GPR55: variants seen among roughly 807,000 people sequenced by gnomAD.
GPR55 encodes the protein G-protein coupled receptor 55.
Under a neutral mutation model 7.9 loss-of-function variants are expected in GPR55, and 6 were observed. The observed-to-expected ratio is 0.76, with a 90% confidence interval of 0.41 to 1.49. GPR55 has a LOEUF of 1.49. GPR55 is among the 40% of genes most tolerant of loss of function. The pLI is 0.01. For synonymous variants in GPR55, 183 were observed against 166.8 expected (o/e 1.10, Z -0.75); for missense variants, 376 against 406.0 (o/e 0.93, Z 0.63).
At chr2:230,951,911 A>G (rs1574636721) in intron 1 of GPR55, among the ~76,000 whole-genome samples, 1 of 147,798 alleles carries the variant, frequency 6.8e-6, no homozygotes. Context: ...GGTACATACC[A>G]CCAGGCCCGG....
chr2:230,957,306 A>G lies in GPR55; in HGVS notation c.-135+3469T>C, dbSNP rs549105160. 2.0e-4 allele frequency among the ~76,000 whole-genome samples: 31 copies of G among 152,310 alleles called. 1 individual carries two copies. In the South Asian group the frequency reaches 6.4e-3, roughly 32 times the overall value. On this transcript the variant is annotated intron_variant, in intron 1 of 1. Coordinates refer to the GPR55 transcript ENST00000392039. Reference sequence around the variant, plus strand: ...GCATCACTACGCTTGTGCTTTGGGGACATTATTTAGTAAAATAAGGGTTCC... The same window carrying G: ...GCATCACTACGCTTGTGCTTTGGGGGCATTATTTAGTAAAATAAGGGTTCC...
At chr2:230,940,298 G>T (rs1691205614) in intron 1 of GPR55, among the ~76,000 whole-genome samples, 1 of 152,104 alleles carries the variant, frequency 6.6e-6, no homozygotes, top group South Asian at 2.1e-4. Flanking sequence ...TTAAAATTCA[G>T]AGCTCAAGGC....
chr2:230,954,816 G>A (rs190615678), intron 1 of GPR55, among the ~76,000 whole-genome samples: 14 of 152,188 alleles, frequency 9.2e-5, no homozygotes, highest in African/African-American at 3.4e-4. Context: ...AATTTAGTTT[G>A]TGTTTGGAAT....
chr2:230,938,682 G>C (rs1303866024), intron 1 of GPR55, among the ~76,000 whole-genome samples: 1 of 152,248 alleles, frequency 6.6e-6, no homozygotes, highest in Non-Finnish European at 1.5e-5. Flanking sequence ...GCAGCGGGCA[G>C]GGCAAGGCTG....
intron 1 of GPR55, among the ~76,000 whole-genome samples, chr2:230,911,527 G>GAC (rs1690592700): frequency 6.6e-6 from 1 of 152,168 alleles, no homozygotes. Context: ...CATTCCCCTG[G>GAC]ACACAGTAGC....
intron 1 of GPR55, among the ~76,000 whole-genome samples, chr2:230,954,332 T>A (rs1265046699): frequency 6.6e-6 from 1 of 152,262 alleles, no homozygotes; most frequent in Non-Finnish European, 1.5e-5. Context: ...CTGGGCTGGC[T>A]ATCATTCTGT....
chr2:230,927,675 G>A (rs7580082), upstream of GPR55, among the ~76,000 whole-genome samples: 2,988 of 152,284 alleles, frequency 0.02, 102 homozygotes, highest in African/African-American at 0.067. Flanking sequence ...ACACACCTTC[G>A]ACTTCACCAG....
rs764171276 is a variant in GPR55, at chr2:230,910,440, C to T, written c.523G>A (p.Asp175Asn). The T allele has an allele frequency of 2.1e-5, 34 of 1,613,838 alleles. No individual in the cohort carries two copies. Among genetic ancestry groups the T allele is most frequent in the Non-Finnish European group, 2.9e-5 (34 of 1,179,848 alleles). The change falls in exon 2 of 2, where the codon GAT becomes AAT. Residue 175 changes from aspartate to asparagine, a missense_variant. Coordinates refer to ENST00000650999, the MANE Select transcript of GPR55 (RefSeq NM_005683.4). This position sits in a 1 kb window ranked among gnomAD's most constrained non-coding sequence, Gnocchi z 5.4. ...AAGAAGACCTTGGCGCTCCAGGTATCATCAGACATGTTGTGGAAGCACATG... is the reference window on the plus strand; with the variant it reads ...AAGAAGACCTTGGCGCTCCAGGTATTATCAGACATGTTGTGGAAGCACATG... ...KYMCFHNMSD[D>N]TWSAKVFFPL...
intron 1 of GPR55, among the ~76,000 whole-genome samples, chr2:230,945,673 C>T (rs961971212): frequency 1.3e-5 from 2 of 152,162 alleles, no homozygotes; most frequent in Admixed American, 6.5e-5. Flanking sequence ...CCCGGGTTCA[C>T]GCCATTCTCC....
intron 1 of GPR55, among the ~76,000 whole-genome samples, chr2:230,932,955 C>T (rs767195730): frequency 1.3e-4 from 20 of 152,196 alleles, no homozygotes; most frequent in Admixed American, 2.6e-4. Context: ...GAACAGAAGC[C>T]GGACTGAACT....
chr2:230,953,383 A>G (rs1300671211), intron 1 of GPR55, among the ~76,000 whole-genome samples: 1 of 152,210 alleles, frequency 6.6e-6, no homozygotes, highest in African/African-American at 2.4e-5. Flanking sequence ...CAGAAGAGAC[A>G]GAGGGATAGG....
rs753771995 is a variant in GPR55, at chr2:230,910,914, C to T, written c.49G>A (p.Glu17Lys). The change falls in exon 2 of 2, where the codon GAG (glutamate) becomes AAG (lysine). Residue 17 changes from glutamate to lysine, a missense_variant. Coordinates refer to ENST00000650999, the MANE Select transcript of GPR55 (RefSeq NM_005683.4). This position sits in a 1 kb window ranked among gnomAD's most constrained non-coding sequence, Gnocchi z 5.4. ...GCAAACTGTAGGGTTTTCATCAGCT[C>T]GTTGACACCGTCAAACAGGCAGTCC... Reference protein sequence around the residue: ...SGDCLFDGVNELMKTLQFAVH... With the variant: ...SGDCLFDGVNKLMKTLQFAVH... 6 of 1,610,058 alleles carry T rather than the reference C, an allele frequency of 3.7e-6. No individual in the cohort carries two copies. Among genetic ancestry groups the T allele is most frequent in the Admixed American group, 3.3e-5 (2 of 59,952 alleles).
chr2:230,921,972 AG>A (rs1483232164), intron 1 of GPR55, among the ~76,000 whole-genome samples: 3 of 152,240 alleles, frequency 2.0e-5, no homozygotes, highest in African/African-American at 7.2e-5. Context: ...CAGGTGCTGC[AG>A]AAAGCAAACC....
chr2:230,918,772 G>C (rs1275268493), intron 1 of GPR55, among the ~76,000 whole-genome samples: 1 of 152,092 alleles, frequency 6.6e-6, no homozygotes, highest in Non-Finnish European at 1.5e-5. Context: ...TTAATGTTTT[G>C]TATCACATCA....
intron 1 of GPR55, among the ~76,000 whole-genome samples, chr2:230,934,704 G>A (rs1438907126): frequency 2.0e-5 from 3 of 152,058 alleles, no homozygotes; most frequent in Non-Finnish European, 4.4e-5. Context: ...GTGGGGTGAG[G>A]ATGACCATCT....
At chr2:230,942,216 C>T (rs760440238) in intron 1 of GPR55, among the ~76,000 whole-genome samples, 3 of 152,226 alleles carry the variant, frequency 2.0e-5, no homozygotes, top group African/African-American at 2.4e-5. Flanking sequence ...CAGGGCTGGG[C>T]AGACCCCTGA....
intron 1 of GPR55, among the ~76,000 whole-genome samples, chr2:230,954,547 A>G (rs1425179315): frequency 6.6e-6 from 1 of 152,222 alleles, no homozygotes; most frequent in African/African-American, 2.4e-5. Flanking sequence ...TAGGCATACA[A>G]TGTGTAATAA....
intron 1 of GPR55, among the ~76,000 whole-genome samples, chr2:230,933,350 C>G (rs1243991031): frequency 6.6e-6 from 1 of 152,210 alleles, no homozygotes; most frequent in Non-Finnish European, 1.5e-5. Context: ...TCCACCTGCC[C>G]TCCGTTGGCC....
chr2:230,953,432 G>A (rs1691434884), intron 1 of GPR55, among the ~76,000 whole-genome samples: 5 of 152,282 alleles, frequency 3.3e-5, no homozygotes, highest in Middle Eastern at 3.4e-3. Context: ...TGGGTTTGAA[G>A]ACGGAAGAAG....
Sources: gnomAD v4.1 joint callset for allele counts (sites outside exome capture counted in the v4.1 genomes callset) on GRCh38, gnomAD v4.1.1 for gene constraint, Gnocchi (gnomAD v3.1) non-coding constraint, MANE v1.5 for transcripts, NCBI Gene and HGNC (gene_info 2026-07-23, HGNC 2026-07-21) for gene names.